REV3L: variants seen among roughly 807,000 people sequenced by gnomAD.
REV3L encodes REV3 like, DNA directed polymerase zeta catalytic subunit.
REV3L carries 69 observed loss-of-function variants against 299.4 expected under a neutral mutation model. That is an observed-to-expected ratio of 0.23 (90% confidence interval 0.19 to 0.28). REV3L has a LOEUF of 0.28. Ranked by LOEUF, REV3L falls within the 10% of genes least tolerant of loss-of-function variation. REV3L has a pLI of 1.00. For synonymous variants in REV3L, 1,238 were observed against 1,271.4 expected, an observed-to-expected ratio of 0.97 and a Z score of 0.56; for missense variants, 3,128 against 3,693.8, an observed-to-expected ratio of 0.85 and a Z score of 3.97.
rs1773195390 is a variant in REV3L at position 111,313,486 on chromosome 6, A to G, written c.8470T>C (p.Tyr2824His). The G allele has an allele frequency of 3.1e-6, 5 of 1,599,646 alleles. No individual in the cohort carries two copies. The highest frequency in any genetic ancestry group is 4.3e-6 in the Non-Finnish European group (5 of 1,175,788). ...TTTGTTTGTAAAACACAGGGCAAAT[A>G]TACCTGTGGTAAAATTAATAAAATG... Reference protein sequence around the residue: ...KPVKLKFEKVYLPCVLQTKKR... With the variant: ...KPVKLKFEKVHLPCVLQTKKR... Residue 2824 changes from tyrosine to histidine, a missense_variant, in exon 28 of 32, where the codon TAT becomes CAT. By Grantham distance (83) the Tyr-to-His change is moderately conservative. Around this residue, in one of 9 missense-constraint regions of REV3L, gnomAD observed 294 missense variants for 377.0 expected, o/e 0.78. Transcript: ENST00000368802.
Position 111,362,394 on chromosome 6 carries a change from A to G in REV3L, c.6879+1459T>C, listed in dbSNP as rs896754257. Among the ~76,000 whole-genome samples, 7 of 152,062 alleles carry G rather than the reference A, an allele frequency of 4.6e-5. No homozygotes were observed. In the East Asian group the frequency reaches 9.6e-4, roughly 21 times the overall value. Reference sequence around the variant, plus strand: ...CAGTTTACAACAGAATTGACTTGAGAAAAAAAACCACACTTAAAAATTGAA... The same window carrying G: ...CAGTTTACAACAGAATTGACTTGAGGAAAAAAACCACACTTAAAAATTGAA... On this transcript the variant is annotated intron_variant, in intron 16 of 31. Coordinates refer to ENST00000368802, the MANE Select transcript of REV3L (RefSeq NM_001372078.1).
At chr6:111,406,270 C>T (rs991344912) in intron 3 of REV3L, among the ~76,000 whole-genome samples, 1 of 152,062 alleles carries the variant, frequency 6.6e-6, no homozygotes, top group Non-Finnish European at 1.5e-5. Context: ...TAAAACTGCA[C>T]ATGTAAAGGG....
intron 2 of REV3L, among the ~76,000 whole-genome samples, chr6:111,413,369 T>C (rs978072432): frequency 5.3e-5 from 8 of 152,100 alleles, no homozygotes; most frequent in African/African-American, 1.9e-4. Context: ...GTTTTTTAAG[T>C]ATATCAATAG....
chr6:111,321,911 C>CA (rs1475509376), intron 26 of REV3L, among the ~76,000 whole-genome samples: 6 of 151,642 alleles, frequency 4.0e-5, no homozygotes, highest in Non-Finnish European at 8.8e-5. Context: ...ATAAGCCATG[C>CA]AAAAAAGATG....
chr6:111,400,818 C>T (rs1783011905), intron 4 of REV3L, among the ~76,000 whole-genome samples: 1 of 152,056 alleles, frequency 6.6e-6, no homozygotes, highest in Admixed American at 6.6e-5. Flanking sequence ...TTATTTTCTG[C>T]TAGAAGTTTG....
chr6:111,367,189 T>C lies in REV3L; in HGVS notation c.6599A>G (p.His2200Arg), dbSNP rs758151054. ...TTTTCTCTGTATGATTGGTGTACTATGAAAGCAAAGTGATTCACATTTCCC... is the reference window on the plus strand; with the variant it reads ...TTTTCTCTGTATGATTGGTGTACTACGAAAGCAAAGTGATTCACATTTCCC... ...RTGKCESLCF[H>R]STPIIQRKLL... Residue 2200 changes from histidine (H) to arginine (R), a missense_variant, in exon 14 of 32, where the codon CAT (histidine) becomes CGT (arginine). Transcript: ENST00000368802. 1.2e-6 allele frequency: 2 copies of C among 1,613,928 alleles called. No individual in the cohort carries two copies. Among genetic ancestry groups the C allele is most frequent in the Non-Finnish European group, 8.5e-7 (1 of 1,179,910 alleles).
chr6:111,313,840 C>T (rs1234512785), intron 27 of REV3L, among the ~76,000 whole-genome samples: 2 of 152,154 alleles, frequency 1.3e-5, no homozygotes, highest in African/African-American at 4.8e-5. Flanking sequence ...TTTCCAATTC[C>T]ATACATGCCA....
intron 1 of REV3L, among the ~76,000 whole-genome samples, chr6:111,425,315 C>T (rs536417954): frequency 3.3e-5 from 5 of 152,168 alleles, no homozygotes; most frequent in East Asian, 1.9e-4. Flanking sequence ...AAAAATTAGC[C>T]GGGTGTGGTG....
chr6:111,306,884 A>C (rs954397211), intron 31 of REV3L, among the ~76,000 whole-genome samples: 4 of 152,202 alleles, frequency 2.6e-5, no homozygotes, highest in African/African-American at 9.7e-5. Context: ...GAAACGCTTA[A>C]GACCAGAAGT....
chr6:111,331,178 T>C (rs923223672), intron 24 of REV3L: 4 of 226,828 alleles, frequency 1.8e-5, no homozygotes, highest in Non-Finnish European at 2.9e-5. Context: ...TGAGGGGAGA[T>C]ACAGGAGAGA....
In REV3L at chr6:111,373,736, T is replaced by G; in HGVS notation, c.4619A>C (p.Lys1540Thr). ...TTGTGTAGTATTTGCATTTTGTGCT[T>G]TCTGCTGTCTTTTTTGTAACAATTC... ...LKELLQKRQQ[K>T]AQNANTTQDP... The change falls in exon 13 of 32, where the codon AAA (lysine) becomes ACA (threonine). Residue 1540 changes from lysine to threonine, a missense_variant. By Grantham distance (78) the Lys-to-Thr change is moderately conservative. Coordinates refer to ENST00000368802, the MANE Select transcript of REV3L (RefSeq NM_001372078.1). The G allele has an allele frequency of 6.2e-7, 1 of 1,613,924 alleles. No homozygotes were observed. Among genetic ancestry groups the G allele is most frequent in the Non-Finnish European group, 8.5e-7 (1 of 1,179,960 alleles).
chr6:111,386,377 G>A (rs549864487), intron 9 of REV3L, among the ~76,000 whole-genome samples: 11 of 152,148 alleles, frequency 7.2e-5, no homozygotes, highest in African/African-American at 1.7e-4. Flanking sequence ...TGAGGGTAAC[G>A]AAAATTAAAA....
At chr6:111,372,281 C>T (rs1779877084) in intron 13 of REV3L, among the ~76,000 whole-genome samples, 1 of 152,034 alleles carries the variant, frequency 6.6e-6, no homozygotes, top group African/African-American at 2.4e-5. Flanking sequence ...CATTGTAATC[C>T]TTTTAAAGTA....
chr6:111,311,418 A>G (rs1226968876), intron 28 of REV3L, 159 bp from the exon 29 acceptor site: 3 of 482,834 alleles, frequency 6.2e-6, no homozygotes, highest in Non-Finnish European at 1.0e-5. Flanking sequence ...TTAAAAATTG[A>G]AAGTTATTTG....
Position 111,380,206 on chromosome 6 carries a change from A to G in REV3L, c.1230T>C (p.Pro410=). Residue 410 remains proline (P), a synonymous_variant, in exon 11 of 32, where the codon CCT becomes CCC. Coordinates refer to ENST00000368802, the MANE Select transcript of REV3L (RefSeq NM_001372078.1). ...CAAGAAGATGTACCAGAGCCTCATC[A>G]GGACTACTGTCCACTATAAAACAAG... The part of the protein sequence containing the change: ...SESPVFMDSS[P]DEALVHLLAG... 1 of 1,611,086 alleles carries G rather than the reference A, an allele frequency of 6.2e-7. No homozygotes were observed. Among genetic ancestry groups the G allele is most frequent in the Non-Finnish European group, 8.5e-7 (1 of 1,177,278 alleles).
chr6:111,480,584 CTAAA>C (rs1793505541), intron 1 of REV3L, among the ~76,000 whole-genome samples: 1 of 152,018 alleles, frequency 6.6e-6, no homozygotes, highest in Non-Finnish European at 1.5e-5. Context: ...AGTGTAAACT[CTAAA>C]TGTATGCCAA....
rs549518016 is a variant in REV3L, at chr6:111,308,073, A to T, written c.9043-503T>A. ...TCCTTGTGATAGTTTGCTGAGAATG[A>T]TGGTTTCCAGCTTCATCCATGTCCC... On this transcript the variant is annotated intron_variant, in intron 30 of 31. Coordinates refer to ENST00000368802, the MANE Select transcript of REV3L (RefSeq NM_001372078.1). 1.1e-3 allele frequency: 347 copies of T among 311,808 alleles called. 1 individual carries two copies. Among genetic ancestry groups the T allele is most frequent in the African/African-American group, 6.3e-3 (279 of 44,152 alleles). 19.3% of individuals were successfully genotyped at this position (311,808 alleles called of 1,614,324 possible).
In REV3L at chr6:111,446,701, AAAACAAAC is replaced by A. The variant is rs35603807; in HGVS notation, c.140-30237_140-30230del. ...GAGCGACGGAGTGAGACTCTGTCTCAAAACAAACAAACAAACAAACAAACAAACAAACA... is the reference window on the plus strand; with the variant it reads ...GAGCGACGGAGTGAGACTCTGTCTCAAAACAAACAAACAAACAAACAAACA... On this transcript the variant is annotated intron_variant, in intron 1 of 31. Transcript: ENST00000368802. 2.8e-3 allele frequency among the ~76,000 whole-genome samples: 420 copies of A among 149,792 alleles called. 2 individuals are homozygous for A. Among genetic ancestry groups the A allele is most frequent in the African/African-American group, 8.1e-3 (331 of 40,670 alleles).
At chr6:111,396,313 C>A (rs1219503303) in intron 4 of REV3L, among the ~76,000 whole-genome samples, 1 of 152,040 alleles carries the variant, frequency 6.6e-6, no homozygotes, top group African/African-American at 2.4e-5. Context: ...AGGCATGAGC[C>A]ACTGTGCCTG....
Sources: allele counts gnomAD v4.1 joint callset (sites outside exome capture counted in the v4.1 genomes callset), GRCh38; gene constraint gnomAD v4.1.1; regional missense constraint gnomAD v4.1.1; transcripts MANE v1.5; gene names NCBI Gene and HGNC (gene_info 2026-07-23, HGNC 2026-07-21).